The following DENND1A variants were observed in gnomAD, a reference collection of about 807,000 sequenced individuals.
DENND1A encodes DENN domain-containing protein 1A.
A neutral mutation model predicts 113.7 loss-of-function variants in DENND1A; 51 were observed. The observed-to-expected ratio is 0.45, with a 90% CI of 0.36 to 0.57. The LOEUF is 0.57. DENND1A is among the 20% of genes least tolerant of loss of function. The pLI is 0.00. For synonymous variants in DENND1A, 565 were observed against 570.8 expected (o/e 0.99, Z 0.14); for missense variants, 1,258 against 1,395.9 (o/e 0.90, Z 1.57).
At chr9:123,898,791 G>A (rs1054117884) in intron 1 of DENND1A, among the ~76,000 whole-genome samples, 1 of 152,142 alleles carries the variant, frequency 6.6e-6, no homozygotes, top group African/African-American at 2.4e-5. Context: ...TGCTCTTTGT[G>A]TCCTACTTAA....
intron 18 of DENND1A, among the ~76,000 whole-genome samples, chr9:123,441,240 G>A (rs1253276102): frequency 2.0e-5 from 3 of 152,060 alleles, no homozygotes; most frequent in African/African-American, 7.2e-5. Context: ...AAAATGTATC[G>A]CTAATTTAAT....
chr9:123,801,161 A>T (rs1211021562), intron 2 of DENND1A, among the ~76,000 whole-genome samples: 1 of 152,204 alleles, frequency 6.6e-6, no homozygotes, highest in East Asian at 1.9e-4. Context: ...TGTTGTAGTA[A>T]AATATACATA....
intron 1 of DENND1A, among the ~76,000 whole-genome samples, chr9:123,899,909 C>A (rs942862223): frequency 6.6e-6 from 1 of 152,154 alleles, no homozygotes; most frequent in African/African-American, 2.4e-5. Flanking sequence ...AAGAGAATAA[C>A]CAGCTTATAG....
chr9:123,614,355 G>A (rs576691105), intron 10 of DENND1A, among the ~76,000 whole-genome samples: 4 of 152,302 alleles, frequency 2.6e-5, no homozygotes, highest in East Asian at 3.9e-4. Context: ...GATGCTGAGC[G>A]CTTCTCTGAC....
intron 2 of DENND1A, among the ~76,000 whole-genome samples, chr9:123,838,492 C>T (rs1305992401): frequency 6.6e-6 from 1 of 152,062 alleles, no homozygotes; most frequent in Non-Finnish European, 1.5e-5. Flanking sequence ...ACTTGAGGAG[C>T]AATTGCAGAA....
Position 123,384,063 on chromosome 9 carries a change from G to A in DENND1A, c.1761-150C>T, listed in dbSNP as rs2042431005. On this transcript the variant is annotated intron_variant, in intron 22 of 23. Coordinates refer to ENST00000394215, the MANE Select transcript of DENND1A (RefSeq NM_001352964.2). ...TCCCGGGGTCTCCGTGAGGGCAGGA[G>A]TCTGGGAGGCTGCGAGGGTGCAAGC... is the stretch of plus-strand genomic sequence containing the variant. 4 of 1,097,174 alleles carry A rather than the reference G, an allele frequency of 3.6e-6. No homozygotes were observed. The East Asian group carries it at 1.0e-4, about 28-fold the overall frequency. 68.0% of individuals were successfully genotyped at this position (1,097,174 alleles called of 1,614,324 possible).
intron 5 of DENND1A, among the ~76,000 whole-genome samples, chr9:123,700,856 A>C (rs2065844503): frequency 6.6e-6 from 1 of 152,224 alleles, no homozygotes; most frequent in Non-Finnish European, 1.5e-5. Context: ...ATATCTATTT[A>C]GATCTTTTTA....
chr9:123,657,218 T>A (rs1469926390), intron 8 of DENND1A, among the ~76,000 whole-genome samples: 1 of 152,174 alleles, frequency 6.6e-6, no homozygotes, highest in Non-Finnish European at 1.5e-5. Flanking sequence ...CCCCTGTGGC[T>A]CTAAATCCAG....
intron 1 of DENND1A, among the ~76,000 whole-genome samples, chr9:123,890,514 C>T (rs1849745432): frequency 6.6e-6 from 1 of 152,148 alleles, no homozygotes; most frequent in Non-Finnish European, 1.5e-5. Context: ...TTTCCATTAC[C>T]CCATCTAAGA....
At chr9:123,522,118 G>A (rs562192562) in intron 13 of DENND1A, among the ~76,000 whole-genome samples, 47 of 152,316 alleles carry the variant, frequency 3.1e-4, no homozygotes, top group African/African-American at 1.1e-3. Flanking sequence ...CCCAACAATG[G>A]CAAATATATA....
chr9:123,722,201 T>C (rs973643568), intron 5 of DENND1A, among the ~76,000 whole-genome samples: 3 of 152,228 alleles, frequency 2.0e-5, no homozygotes, highest in Non-Finnish European at 4.4e-5. Flanking sequence ...TAGAGATTTG[T>C]GGAACTTTGT....
intron 13 of DENND1A, among the ~76,000 whole-genome samples, chr9:123,530,946 C>T (rs1437977759): frequency 6.6e-6 from 1 of 152,058 alleles, no homozygotes; most frequent in Non-Finnish European, 1.5e-5. Flanking sequence ...TCTTATTGTA[C>T]ATAATATTTT....
In DENND1A at chr9:123,583,240, C is replaced by T. The variant is rs199634898; in HGVS notation, c.796G>A (p.Val266Met). 9 of 1,612,100 alleles carry T rather than the reference C, an allele frequency of 5.6e-6. No homozygotes were observed. Among genetic ancestry groups the T allele is most frequent in the East Asian group, 2.2e-5 (1 of 44,742 alleles). ...GTGTTGGTGTCCACATTCAGGATCA[C>T]GACATCATCCAGGGCCATGTTTCTG... is the stretch of plus-strand genomic sequence containing the variant. ...KVRNMALDDV[V>M]ILNVDTNTLE... The change falls in exon 12 of 24, where the codon GTG (valine) becomes ATG (methionine). Residue 266 changes from valine (V) to methionine (M), a missense_variant. Val to Met is a conservative substitution (Grantham distance 21). Transcript: ENST00000394215.
chr9:123,464,578 G>T (rs1022866843), intron 13 of DENND1A, among the ~76,000 whole-genome samples: 4 of 152,142 alleles, frequency 2.6e-5, no homozygotes, highest in Non-Finnish European at 1.5e-5. Context: ...AGTAGCTGGG[G>T]CAGGGGGAAG....
intron 3 of DENND1A, among the ~76,000 whole-genome samples, chr9:123,780,872 G>A (rs1831208329): frequency 6.6e-6 from 1 of 152,046 alleles, no homozygotes; most frequent in South Asian, 2.1e-4. Context: ...CTATGTGTCA[G>A]GTCTTGCTAG....
intron 11 of DENND1A, among the ~76,000 whole-genome samples, chr9:123,606,316 T>C (rs1488311125): frequency 1.3e-5 from 2 of 152,132 alleles, no homozygotes; most frequent in African/African-American, 4.8e-5. Context: ...TTTTTGTTTT[T>C]ATTTTTGTGC....
chr9:123,818,810 A>C (rs570613861), intron 2 of DENND1A, among the ~76,000 whole-genome samples: 1 of 152,288 alleles, frequency 6.6e-6, no homozygotes, highest in East Asian at 1.9e-4. Context: ...TGGATTTCAA[A>C]TTTTTAGATT....
intron 12 of DENND1A, among the ~76,000 whole-genome samples, chr9:123,570,413 G>C (rs1459780049): frequency 1.3e-5 from 2 of 152,164 alleles, no homozygotes; most frequent in Non-Finnish European, 2.9e-5. Context: ...TATGGAGCCT[G>C]AATTTCACCA....
At chr9:123,654,078 G>A (rs1045172658) in intron 8 of DENND1A, among the ~76,000 whole-genome samples, 1 of 152,042 alleles carries the variant, frequency 6.6e-6, no homozygotes, top group Non-Finnish European at 1.5e-5. Context: ...AACACCAAAG[G>A]CAGTCGGAAG....
Sources: allele counts gnomAD v4.1 joint callset (sites outside exome capture counted in the v4.1 genomes callset), GRCh38; gene constraint gnomAD v4.1.1; transcripts MANE v1.5; gene names NCBI Gene and HGNC (gene_info 2026-07-23, HGNC 2026-07-21).